Variants in PRIMPOL observed in about 807,000 individuals in gnomAD.
The protein encoded by PRIMPOL is primase and DNA directed polymerase, also known as DNA-directed primase/polymerase protein.
PRIMPOL carries 54 observed loss-of-function variants against 63.6 expected under a neutral mutation model. The observed-to-expected ratio is 0.85, with a 90% CI of 0.68 to 1.07. PRIMPOL has a LOEUF of 1.07. PRIMPOL is among the 50% of genes least tolerant of loss of function. PRIMPOL has a pLI of 0.00. For synonymous variants in PRIMPOL, 197 were observed against 220.2 expected (o/e 0.89, Z 0.93); for missense variants, 610 against 648.3 (o/e 0.94, Z 0.64).
At chr4:184,664,320 A>T (rs1749214192) in intron 5 of PRIMPOL, among the ~76,000 whole-genome samples, 1 of 152,258 alleles carries the variant, frequency 6.6e-6, no homozygotes, top group Non-Finnish European at 1.5e-5. Context: ...ACCAAGTGGT[A>T]AGTCAAAGAG....
At chr4:184,694,302 A>G in intron 13 of PRIMPOL, 1 of 1,321,280 alleles carries the variant, frequency 7.6e-7, no homozygotes, top group Admixed American at 3.2e-5. Context: ...AGGTAATTTC[A>G]AATTTGGAGT....
chr4:184,668,187 A>C (rs1368489717), intron 6 of PRIMPOL, among the ~76,000 whole-genome samples: 1 of 151,810 alleles, frequency 6.6e-6, no homozygotes, highest in Non-Finnish European at 1.5e-5. Context: ...GCCTCTAAAC[A>C]CTCCCCACAC....
Position 184,692,347 on chromosome 4 carries a change from G to GCACA in PRIMPOL, c.1425+636_1425+637insACAC, listed in dbSNP as rs1306990663. On this transcript the variant is annotated intron_variant, in intron 13 of 13. Coordinates refer to ENST00000314970, the MANE Select transcript of PRIMPOL (RefSeq NM_152683.4). Reference sequence around the variant, plus strand: ...AAATTAGCCAGGTGTGGTGGCCTATGCCTATAATCCCAGCTACTCAGGAGG... The same window carrying GCACA: ...AAATTAGCCAGGTGTGGTGGCCTATGCACACCTATAATCCCAGCTACTCAGGAGG... 1.1e-4 allele frequency among the ~76,000 whole-genome samples: 17 copies of GCACA among 151,790 alleles called. No homozygotes were observed. The Middle Eastern group carries it at 0.01, about 92-fold the overall frequency.
Position 184,672,309 on chromosome 4 carries a change from T to G in PRIMPOL, c.693T>G (p.Asn231Lys). ...CTGCAAGACAAGGATTTTCTTTCAA[T>G]AAAATGTTCACAGAAAAGGCTACAG... ...EAPARQGFSF[N>K]KMFTEKATEE... The change falls in exon 7 of 14, where the codon AAT becomes AAG. Residue 231 changes from asparagine (N) to lysine (K), a missense_variant. By Grantham distance (94) the Asn-to-Lys change is moderately conservative. This residue lies in a region of PRIMPOL where 444 missense variants were observed against 456.4 expected (regional missense o/e 0.97). Transcript: ENST00000314970. 1 of 1,614,098 alleles carries G rather than the reference T, an allele frequency of 6.2e-7. No individual in the cohort carries two copies. Among genetic ancestry groups the G allele is most frequent in the Non-Finnish European group, 8.5e-7 (1 of 1,180,020 alleles).
chr4:184,659,952 C>T (rs906605477), intron 4 of PRIMPOL, among the ~76,000 whole-genome samples: 8 of 152,074 alleles, frequency 5.3e-5, no homozygotes, highest in Non-Finnish European at 8.8e-5. Context: ...TCCCGAGTTG[C>T]TGGGATTACA....
intron 11 of PRIMPOL, among the ~76,000 whole-genome samples, chr4:184,689,769 T>C (rs1470274234): frequency 6.6e-6 from 1 of 152,162 alleles, no homozygotes; most frequent in East Asian, 1.9e-4. Flanking sequence ...TTAATGGTGC[T>C]TTCTATTACA....
chr4:184,679,262 GC>G (rs1469962522), intron 8 of PRIMPOL, among the ~76,000 whole-genome samples: 1 of 152,078 alleles, frequency 6.6e-6, no homozygotes, highest in Non-Finnish European at 1.5e-5. Flanking sequence ...CTATTGTTGA[GC>G]CTTTAGGTTC....
intron 9 of PRIMPOL, 128 bp downstream of exon 9, chr4:184,682,464 C>T (rs1755887323): frequency 5.4e-6 from 3 of 551,874 alleles, no homozygotes; most frequent in Middle Eastern, 5.0e-4. Flanking sequence ...TCTCCTGCCT[C>T]AGCCTCCGGA....
intron 7 of PRIMPOL, among the ~76,000 whole-genome samples, chr4:184,674,594 G>A: frequency 6.6e-6 from 1 of 152,290 alleles, no homozygotes; most frequent in Admixed American, 6.5e-5. Context: ...AAAAATCGGT[G>A]TATAACTTTT....
At chr4:184,658,026 AT>A (rs1747015414) in intron 3 of PRIMPOL, among the ~76,000 whole-genome samples, 5 of 148,954 alleles carry the variant, frequency 3.4e-5, no homozygotes, top group African/African-American at 7.4e-5. Flanking sequence ...AAATAAATAA[AT>A]AAATAAATAT....
At chr4:184,656,555 G>A (rs1051915226) in intron 2 of PRIMPOL, among the ~76,000 whole-genome samples, 2 of 152,172 alleles carry the variant, frequency 1.3e-5, no homozygotes, top group African/African-American at 2.4e-5. Flanking sequence ...ACTAAAAGTT[G>A]TGTTGAGAGA....
At chr4:184,677,796 G>T (rs1186224675) in intron 7 of PRIMPOL, among the ~76,000 whole-genome samples, 1 of 152,088 alleles carries the variant, frequency 6.6e-6, no homozygotes, top group Non-Finnish European at 1.5e-5. Flanking sequence ...TGTTTACTTA[G>T]GTATTCTCTA....
chr4:184,685,855 A>G (rs4862404), intron 11 of PRIMPOL, among the ~76,000 whole-genome samples, 171 bp downstream of exon 11: 151,545 of 152,276 alleles, frequency 1, 75,416 homozygotes, highest in Middle Eastern at 1. Context: ...AGGCTGGAGT[A>G]CAGTGGCGCG....
intron 6 of PRIMPOL, among the ~76,000 whole-genome samples, chr4:184,667,478 G>T (rs1035026552): frequency 1.3e-5 from 2 of 152,002 alleles, no homozygotes; most frequent in African/African-American, 2.4e-5. Flanking sequence ...GCCCGGCTAA[G>T]TTTTTGTATT....
intron 7 of PRIMPOL, among the ~76,000 whole-genome samples, chr4:184,677,755 T>G (rs1754505740): frequency 6.6e-6 from 1 of 152,216 alleles, no homozygotes; most frequent in Non-Finnish European, 1.5e-5. Flanking sequence ...TAATATTGAG[T>G]CTTCCAATCT....
chr4:184,677,309 T>C (rs574742978), intron 7 of PRIMPOL, among the ~76,000 whole-genome samples: 3 of 152,078 alleles, frequency 2.0e-5, no homozygotes, highest in South Asian at 4.1e-4. Context: ...GATTTGCTTA[T>C]TGGGTGAGGA....
Position 184,657,315 on chromosome 4 carries a change from A to G in PRIMPOL, c.175A>G (p.Lys59Glu), listed in dbSNP as rs1290079301. The part of the protein sequence containing the change: ...AQAFNFVKSC[K>E]EDVHVFALEC... ...AGCTTTTAATTTTGTTAAAAGCTGT[A>G]AAGAAGTAATTTCCTCCTCCTCCTC... The change falls in exon 3 of 14, where the codon AAA (lysine) becomes GAA (glutamate). Residue 59 changes from lysine to glutamate, a missense_variant. Around this residue, in one of 3 missense-constraint regions of PRIMPOL, gnomAD observed 159 missense variants for 168.9 expected, o/e 0.94. Transcript: ENST00000314970. The G allele has an allele frequency of 1.6e-5, 26 of 1,607,126 alleles. No individual in the cohort carries two copies. The highest frequency in any genetic ancestry group is 1.8e-5 in the Non-Finnish European group (21 of 1,177,448).
At chr4:184,678,089 G>A (rs908063043) in intron 7 of PRIMPOL, 143 bp from the exon 8 acceptor site, 9 of 449,876 alleles carry the variant, frequency 2.0e-5, no homozygotes, top group Non-Finnish European at 3.4e-5. Context: ...AATTTATATA[G>A]TGCTTTAATT....
chr4:184,672,064 T>C, intron 6 of PRIMPOL, 109 bp from the exon 7 acceptor site: 1 of 1,065,044 alleles, frequency 9.4e-7, no homozygotes, highest in Non-Finnish European at 1.4e-6. Flanking sequence ...AAACCAGAAA[T>C]CAAAAAATGG....
Sources: allele counts gnomAD v4.1 joint callset (sites outside exome capture counted in the v4.1 genomes callset), GRCh38; gene constraint gnomAD v4.1.1; regional missense constraint gnomAD v4.1.1; transcripts MANE v1.5; gene names NCBI Gene and HGNC (gene_info 2026-07-23, HGNC 2026-07-21).